CNTN5: variants seen among roughly 807,000 people sequenced by gnomAD.
The protein encoded by CNTN5 is contactin 5, also known as contactin-5.
CNTN5 carries 77 observed loss-of-function variants against 129.1 expected under a neutral mutation model. The ratio of observed to expected loss-of-function variants is 0.60; its 90% CI spans 0.50 to 0.72. The LOEUF (loss-of-function observed/expected upper bound fraction) is 0.72, where lower values mean the gene tolerates loss of function less well. Ranked by LOEUF, CNTN5 falls within the 30% of genes least tolerant of loss-of-function variation. The pLI, the probability that CNTN5 is intolerant of heterozygous loss-of-function variation, is 0.00. For missense variants in CNTN5, 1,478 were observed against 1,328.8 expected (o/e 1.11, Z -1.75); for synonymous variants, 509 against 465.6 (o/e 1.09, Z -1.20).
At chr11:99,926,942 A>G (rs1950076045) in intron 7 of CNTN5, among the ~76,000 whole-genome samples, 1 of 152,220 alleles carries the variant, frequency 6.6e-6, no homozygotes, top group African/African-American at 2.4e-5. Flanking sequence ...CTTACATTTT[A>G]TAAATAACTT....
intron 1 of CNTN5, among the ~76,000 whole-genome samples, chr11:99,271,664 C>A (rs543024312): frequency 5.1e-4 from 77 of 151,818 alleles, no homozygotes; most frequent in Non-Finnish European, 9.4e-4. Context: ...TGTAGTGATC[C>A]AAAGGCTTAA....
intron 3 of CNTN5, among the ~76,000 whole-genome samples, chr11:99,783,078 A>G (rs1945372877): frequency 7.3e-6 from 1 of 137,768 alleles, no homozygotes; most frequent in African/African-American, 2.7e-5. Flanking sequence ...TACTCATCTG[A>G]CAAAGGGCTA....
intron 18 of CNTN5, among the ~76,000 whole-genome samples, chr11:100,280,296 T>C (rs1191725051): frequency 2.6e-5 from 4 of 152,016 alleles, no homozygotes; most frequent in African/African-American, 9.7e-5. Context: ...CAGCTATTAT[T>C]GCAGTGAGGC....
intron 1 of CNTN5, among the ~76,000 whole-genome samples, chr11:99,131,533 G>T: frequency 6.6e-6 from 1 of 151,732 alleles, no homozygotes; most frequent in East Asian, 1.9e-4. Flanking sequence ...AAAGAGAGAA[G>T]ATTCAAATAT....
At chr11:100,325,150 C>T (rs986554523) in intron 21 of CNTN5, among the ~76,000 whole-genome samples, 1 of 152,016 alleles carries the variant, frequency 6.6e-6, no homozygotes, top group Non-Finnish European at 1.5e-5. Context: ...TTTTGAAACT[C>T]TTAGTAGAAG....
intron 6 of CNTN5, among the ~76,000 whole-genome samples, chr11:99,904,512 G>A (rs1949445092): frequency 1.3e-5 from 2 of 152,236 alleles, no homozygotes; most frequent in South Asian, 2.1e-4. Context: ...TGGGGTATAT[G>A]TGCCACATTT....
At chr11:100,102,462 T>C (rs1286193985) in intron 13 of CNTN5, among the ~76,000 whole-genome samples, 1 of 151,852 alleles carries the variant, frequency 6.6e-6, no homozygotes, top group African/African-American at 2.4e-5. Context: ...TAGAGAAGTA[T>C]AAAATATTTA....
In CNTN5 at chr11:100,350,714, C is replaced by A. The variant is rs371187237; in HGVS notation, c.3043C>A (p.Gln1015Lys). The change falls in exon 24 of 25, where the codon CAA becomes AAA. Residue 1015 changes from glutamine to lysine, a missense_variant. Gln to Lys is a moderately conservative substitution (Grantham distance 53). Transcript: ENST00000524871. The part of the protein sequence containing the change: ...EVVGYKVFYR[Q>K]EGHSNSQVIE... ...TTATTACTCTCAGGTTTTTTATAGG[C>A]AAGAGGGTCACAGCAACAGCCAAGT... The A allele has an allele frequency of 2.5e-6, 4 of 1,603,716 alleles. No individual in the cohort carries two copies. Among genetic ancestry groups the A allele is most frequent in the Non-Finnish European group, 3.4e-6 (4 of 1,174,234 alleles).
intron 8 of CNTN5, among the ~76,000 whole-genome samples, chr11:99,996,459 A>G (rs7948245): frequency 0.08 from 12,222 of 152,042 alleles, 939 homozygotes; most frequent in African/African-American, 0.19. Context: ...ATATTTCCAG[A>G]TTTATCTAAT....
intron 3 of CNTN5, among the ~76,000 whole-genome samples, chr11:99,767,863 T>C (rs1463981541): frequency 6.6e-6 from 1 of 152,024 alleles, no homozygotes; most frequent in Admixed American, 6.6e-5. Flanking sequence ...GAATTGTCAT[T>C]TCTCCTATGT....
At chr11:99,263,975 A>G (rs1284130723) in intron 1 of CNTN5, among the ~76,000 whole-genome samples, 1 of 152,104 alleles carries the variant, frequency 6.6e-6, no homozygotes, top group African/African-American at 2.4e-5. Context: ...TTTATCATTT[A>G]CTTTATATGC....
chr11:99,579,899 G>T (rs1469253423), intron 3 of CNTN5, among the ~76,000 whole-genome samples: 1 of 150,252 alleles, frequency 6.7e-6, no homozygotes, highest in African/African-American at 2.5e-5. Flanking sequence ...GGGCATCCCT[G>T]TCTTGTGCCA....
chr11:99,692,201 C>A (rs950601526), intron 3 of CNTN5, among the ~76,000 whole-genome samples: 1 of 152,094 alleles, frequency 6.6e-6, no homozygotes, highest in Admixed American at 6.5e-5. Context: ...TCCAACGTGC[C>A]ACTCTGTGTC....
At chr11:99,122,064 A>C (rs1858367270) in intron 1 of CNTN5, among the ~76,000 whole-genome samples, 1 of 152,048 alleles carries the variant, frequency 6.6e-6, no homozygotes, top group Non-Finnish European at 1.5e-5. Context: ...TACATGTGCC[A>C]TGTTGGTGTG....
chr11:99,189,885 G>C (rs1384279510), intron 1 of CNTN5, among the ~76,000 whole-genome samples: 1 of 151,064 alleles, frequency 6.6e-6, no homozygotes. Flanking sequence ...TTGTTCCTTT[G>C]GCTGTGCAAA....
intron 9 of CNTN5, among the ~76,000 whole-genome samples, chr11:100,003,099 G>A (rs1939979876): frequency 6.6e-6 from 1 of 152,014 alleles, no homozygotes; most frequent in South Asian, 2.1e-4. Context: ...TTTAAGGAAC[G>A]AACATAGTAA....
intron 9 of CNTN5, among the ~76,000 whole-genome samples, chr11:100,052,087 G>A (rs1392704420): frequency 6.6e-6 from 1 of 151,778 alleles, no homozygotes; most frequent in African/African-American, 2.4e-5. Context: ...CTATTAAAAA[G>A]CAATTTATAT....
In CNTN5 at chr11:99,679,773, C is replaced by T. The variant is rs181225863; in HGVS notation, c.55+123504C>T. On this transcript the variant is annotated intron_variant, in intron 3 of 24. Transcript: ENST00000524871. ...AAAGCTAGAAATGATTACACTTAGG[C>T]GGGCATGGCGAAAGCCAAGATAACC... Among the ~76,000 whole-genome samples the T allele has an allele frequency of 1.4e-4, 21 of 152,318 alleles. No individual in the cohort carries two copies. In the East Asian group the frequency reaches 3.5e-3, roughly 25 times the overall value.
intron 6 of CNTN5, among the ~76,000 whole-genome samples, chr11:99,891,026 C>A (rs1949045346): frequency 6.6e-6 from 1 of 152,028 alleles, no homozygotes; most frequent in Non-Finnish European, 1.5e-5. Context: ...ACTGTCACAA[C>A]CAAGAGAAGC....
Sources: allele counts gnomAD v4.1 joint callset (sites outside exome capture counted in the v4.1 genomes callset), GRCh38; gene constraint gnomAD v4.1.1; transcripts MANE v1.5; gene names NCBI Gene and HGNC (gene_info 2026-07-23, HGNC 2026-07-21).